Variants in LINGO1 observed in about 807,000 individuals in gnomAD.
LINGO1 encodes leucine rich repeat and Ig domain containing 1.
Under a neutral mutation model 37.3 loss-of-function variants are expected in LINGO1, and 11 were observed. That is an observed-to-expected ratio of 0.29 (90% confidence interval 0.19 to 0.49). The LOEUF (loss-of-function observed/expected upper bound fraction) is 0.49, where lower values mean the gene tolerates loss of function less well. Among genes scored for constraint, LINGO1 ranks in the 20% least tolerant of loss-of-function variants. The probability of loss-of-function intolerance (pLI) is 0.99; values close to 1 mark genes in which losing one functional copy is unlikely to be tolerated. For missense variants in LINGO1, 585 were observed against 878.2 expected, an observed-to-expected ratio of 0.67 and a Z score of 4.22; for synonymous variants, 387 against 403.0, an observed-to-expected ratio of 0.96 and a Z score of 0.48.
upstream of LINGO1, among the ~76,000 whole-genome samples, chr15:77,789,567 A>G (rs1481673340): frequency 6.6e-6 from 1 of 152,208 alleles, no homozygotes; most frequent in Non-Finnish European, 1.5e-5. Context: ...AGATAGAGCC[A>G]CTGGACTCCA....
At chr15:77,671,509 C>G (rs533580255) in intron 3 of LINGO1, among the ~76,000 whole-genome samples, 1 of 152,362 alleles carries the variant, frequency 6.6e-6, no homozygotes, top group African/African-American at 2.4e-5. Flanking sequence ...ACACAGATGT[C>G]ACAGATCAGT....
At chr15:77,743,543 C>T (rs1040925397) in intron 1 of LINGO1, among the ~76,000 whole-genome samples, 8 of 152,170 alleles carry the variant, frequency 5.3e-5, no homozygotes, top group African/African-American at 2.4e-5. Flanking sequence ...TCCATCCCTC[C>T]TGGAGACAGA....
At chr15:77,787,107 TGGCTGAAA>T (rs2076779134), upstream of LINGO1, 1 of 152,008 alleles carries the variant, frequency 6.6e-6, no homozygotes, top group African/African-American at 2.4e-5. Context: ...TGGGGGTGCC[TGGCTGAAA>T]GGCAGGTAGA....
At chr15:77,625,133 G>C (rs2074050232) in intron 1 of LINGO1, among the ~76,000 whole-genome samples, 1 of 152,172 alleles carries the variant, frequency 6.6e-6, no homozygotes, top group African/African-American at 2.4e-5. Context: ...ACCCCCGCCT[G>C]GGAGAGCTAT....
rs1181659901 is a variant in LINGO1 at position 77,632,503 on chromosome 15, A to AGCCGGAGCCGG, written c.-199_-189dup. The AGCCGGAGCCGG allele has an allele frequency of 6.8e-6, 3 of 440,850 alleles. No individual in the cohort carries two copies. The highest frequency in any genetic ancestry group is 1.1e-5 in the Non-Finnish European group (3 of 284,454). The allele number at this position is 440,850 out of a possible 1,614,324, so 27.3% of individuals were successfully genotyped here. ...GTCCGCCCCGCGCGGGCGGGAGCCG[A>AGCCGGAGCCGG]GCCGGAGCCGGGGCCGGGGCTCGGG... On this transcript the variant is annotated 5_prime_UTR_variant, in exon 1 of 2. Transcript: ENST00000355300. This position sits in a 1 kb window ranked among gnomAD's most constrained non-coding sequence, Gnocchi z 6.0.
chr15:77,789,109 T>G (rs545004645), upstream of LINGO1, among the ~76,000 whole-genome samples: 1 of 103,128 alleles, frequency 9.7e-6, no homozygotes, highest in South Asian at 3.4e-4. Flanking sequence ...AGTTCACTGC[T>G]GTGAAAATCA....
intron 2 of LINGO1, among the ~76,000 whole-genome samples, chr15:77,689,996 A>G (rs1427604157): frequency 6.6e-6 from 1 of 152,218 alleles, no homozygotes; most frequent in Non-Finnish European, 1.5e-5. Context: ...ATCAGGTGAG[A>G]AAACTGAAGC....
At chr15:77,745,655 C>T (rs1021581153) in intron 1 of LINGO1, among the ~76,000 whole-genome samples, 5 of 152,144 alleles carry the variant, frequency 3.3e-5, no homozygotes, top group African/African-American at 1.2e-4. Context: ...CTGCTGCGGA[C>T]GAGACCCTGT....
At chr15:77,617,617 C>T (rs1240698878) in intron 1 of LINGO1, among the ~76,000 whole-genome samples, 1 of 152,216 alleles carries the variant, frequency 6.6e-6, no homozygotes, top group Non-Finnish European at 1.5e-5. Context: ...ACAGCCCCTG[C>T]TTTCATGGCC....
intron 2 of LINGO1, among the ~76,000 whole-genome samples, chr15:77,705,956 A>C (rs1412115155): frequency 6.6e-6 from 1 of 152,216 alleles, no homozygotes; most frequent in African/African-American, 2.4e-5. Context: ...GATGGGGGCC[A>C]ACAGCTCTGG....
chr15:77,632,482 G>A lies in LINGO1; in HGVS notation c.-167C>T. The A allele has an allele frequency of 1.6e-6, 1 of 621,678 alleles. No homozygotes were observed. The highest frequency in any genetic ancestry group is 2.3e-6 in the Non-Finnish European group (1 of 440,644). The allele number at this position is 621,678 out of a possible 1,614,324, so 38.5% of individuals were successfully genotyped here. The stretch of plus-strand genomic sequence containing the variant: ...CGCGGGGCTGGCTGTCCGTCTGTCC[G>A]CCCCGCGCGGGCGGGAGCCGAGCCG... On this transcript the variant is annotated 5_prime_UTR_variant, in exon 1 of 2. Coordinates refer to ENST00000355300, the MANE Select transcript of LINGO1 (RefSeq NM_032808.7). This position sits in a 1 kb window ranked among gnomAD's most constrained non-coding sequence, Gnocchi z 6.0.
intron 1 of LINGO1, among the ~76,000 whole-genome samples, chr15:77,623,606 G>A (rs1010639401): frequency 3.3e-5 from 5 of 152,306 alleles, no homozygotes; most frequent in East Asian, 3.9e-4. Flanking sequence ...AAAGCCTGGC[G>A]GACTGCGCGG....
intron 1 of LINGO1, among the ~76,000 whole-genome samples, chr15:77,752,130 G>A (rs1398807956): frequency 6.6e-6 from 1 of 152,190 alleles, no homozygotes; most frequent in East Asian, 1.9e-4. Context: ...ACCTGTGCCA[G>A]GAAAACGCTG....
chr15:77,710,878 A>T (rs944972286), intron 2 of LINGO1, among the ~76,000 whole-genome samples: 2 of 152,222 alleles, frequency 1.3e-5, no homozygotes, highest in Non-Finnish European at 1.5e-5. Flanking sequence ...GCCATGGAGG[A>T]TCCACTGGCC....
At chr15:77,669,681 T>C (rs1053471689) in intron 3 of LINGO1, among the ~76,000 whole-genome samples, 2 of 152,160 alleles carry the variant, frequency 1.3e-5, no homozygotes, top group Admixed American at 1.3e-4. Flanking sequence ...TCTCCATCAC[T>C]GTTCAGTAAT....
At chr15:77,788,895 G>A (rs1487211211), upstream of LINGO1, among the ~76,000 whole-genome samples, 2 of 152,150 alleles carry the variant, frequency 1.3e-5, no homozygotes, top group Non-Finnish European at 2.9e-5. Flanking sequence ...TACGGGGATT[G>A]GATCACGACA....
At chr15:77,729,853 C>T (rs1236248576) in intron 2 of LINGO1, among the ~76,000 whole-genome samples, 5 of 152,208 alleles carry the variant, frequency 3.3e-5, no homozygotes, top group Non-Finnish European at 7.3e-5. Context: ...TCTAATGCTC[C>T]CCAAGCTTTT....
intron 1 of LINGO1, among the ~76,000 whole-genome samples, chr15:77,763,946 A>G (rs1160008266): frequency 2.6e-5 from 4 of 152,168 alleles, no homozygotes; most frequent in Non-Finnish European, 5.9e-5. Context: ...AGTCTCCTCA[A>G]CTCTCAGCCC....
At chr15:77,766,735 A>C (rs2076534057) in intron 1 of LINGO1, among the ~76,000 whole-genome samples, 1 of 152,198 alleles carries the variant, frequency 6.6e-6, no homozygotes, top group Non-Finnish European at 1.5e-5. Context: ...CCGTCCCAGC[A>C]ATGCAGAACT....
Sources: gnomAD v4.1 joint callset for allele counts (sites outside exome capture counted in the v4.1 genomes callset) on GRCh38, gnomAD v4.1.1 for gene constraint, Gnocchi (gnomAD v3.1) non-coding constraint, MANE v1.5 for transcripts, NCBI Gene and HGNC (gene_info 2026-07-23, HGNC 2026-07-21) for gene names.